PDE4DIP: variants seen among roughly 807,000 people sequenced by gnomAD.
The protein encoded by PDE4DIP is phosphodiesterase 4D interacting protein.
In PDE4DIP, 59 loss-of-function variants were observed where a neutral mutation model predicts 221.4. The ratio of observed to expected loss-of-function variants is 0.27; its 90% CI spans 0.22 to 0.33. PDE4DIP has a LOEUF of 0.33. PDE4DIP is among the 10% of genes least tolerant of loss of function. The pLI is 1.00. For synonymous variants in PDE4DIP, 404 were observed against 815.9 expected (o/e 0.50, Z 8.60); for missense variants, 1,036 against 2,154.2 (o/e 0.48, Z 10.28).
chr1:148,979,608 A>G, intron 19 of PDE4DIP, 129 bp from the exon 23 acceptor site: 1 of 717,582 alleles, frequency 1.4e-6, no homozygotes, highest in Non-Finnish European at 2.3e-6. Context: ...ACTATAAAAT[A>G]GTATCAAAAG....
In PDE4DIP at chr1:149,030,438, A is replaced by G. The variant is rs2076414568; in HGVS notation, c.6999+160A>G. ...ACAGGTCCTCAGTGAGCATCCTGCTAGTTTCTGTCCCCATCACCCTCCCAC... is the reference window on the plus strand; with the variant it reads ...ACAGGTCCTCAGTGAGCATCCTGCTGGTTTCTGTCCCCATCACCCTCCCAC... On this transcript the variant is annotated intron_variant, in intron 43 of 43. Coordinates refer to ENST00000369354, the Ensembl canonical transcript of PDE4DIP. 6 of 985,166 alleles carry G rather than the reference A, an allele frequency of 6.1e-6. No homozygotes were observed. The South Asian group carries it at 2.8e-4, about 46-fold the overall frequency. The allele number at this position is 985,166 out of a possible 1,614,324, so 61.0% of individuals were successfully genotyped here. A position where few individuals can be genotyped will look rare whatever the true frequency, so the allele number is the denominator to read the frequency against.
At chr1:149,017,682 A>C in intron 33 of PDE4DIP, 66 bp from the exon 37 acceptor site, 1 of 971,278 alleles carries the variant, frequency 1.0e-6, no homozygotes, top group Non-Finnish European at 1.6e-6. Context: ...GCCGAGCCCC[A>C]CCCCCATCAG....
At chr1:148,927,863 C>T (rs1410345202) in intron 1 of PDE4DIP, among the ~76,000 whole-genome samples, 2 of 152,036 alleles carry the variant, frequency 1.3e-5, no homozygotes, top group African/African-American at 4.8e-5. Flanking sequence ...CAAACCTGCC[C>T]CTATTTTAGT....
chr1:148,912,312 C>G (rs578182), intron 1 of PDE4DIP, among the ~76,000 whole-genome samples: 125 of 146,414 alleles, frequency 8.5e-4, no homozygotes, highest in Non-Finnish European at 1.2e-3. Context: ...CTTGCTATGT[C>G]ATTTTAGTTT....
At chr1:148,974,953 G>A (rs1312605982) in intron 17 of PDE4DIP, among the ~76,000 whole-genome samples, 1 of 87,784 alleles carries the variant, frequency 1.1e-5, no homozygotes, top group Non-Finnish European at 2.3e-5. Flanking sequence ...CACTTGATCC[G>A]CTCGAACAGG....
At chr1:148,978,217 ACT>A in intron 18 of PDE4DIP, 59 bp from the exon 22 acceptor site, 1 of 1,422,550 alleles carries the variant, frequency 7.0e-7, no homozygotes, top group South Asian at 1.2e-5. Context: ...TTCCCGTGCT[ACT>A]CTGCTGAATA....
At chr1:148,980,531 T>A (rs2060909917) in intron 20 of PDE4DIP, among the ~76,000 whole-genome samples, 1 of 152,222 alleles carries the variant, frequency 6.6e-6, no homozygotes, top group Non-Finnish European at 1.5e-5. Context: ...TTCTTCTACC[T>A]CTTGATTTTT....
intron 31 of PDE4DIP, 122 bp from the exon 35 acceptor site, chr1:149,012,469 A>G: frequency 1.7e-6 from 1 of 588,350 alleles, no homozygotes; most frequent in Non-Finnish European, 3.0e-6. Context: ...ACTAGATGAT[A>G]GCCACTCCGC....
intron 14 of PDE4DIP, among the ~76,000 whole-genome samples, chr1:148,970,771 A>ATTATG (rs1312292411): frequency 2.0e-5 from 3 of 151,838 alleles, no homozygotes; most frequent in Non-Finnish European, 4.4e-5. Context: ...TATATTATTT[A>ATTATG]TTATGTTTTT....
exon 13 of PDE4DIP, chr1:148,967,833 T>C (rs782423870): frequency 2.6e-6 from 3 of 1,144,996 alleles, no homozygotes; most frequent in Non-Finnish European, 4.0e-6. Context: ...AATTTAGCCG[T>C]TGGCAGAAGG....
intron 17 of PDE4DIP, among the ~76,000 whole-genome samples, chr1:148,975,607 A>G (rs2060022246): frequency 2.0e-5 from 3 of 151,908 alleles, no homozygotes; most frequent in Admixed American, 6.6e-5. Context: ...GTTCTCTTCA[A>G]TTTTTTTTGG....
chr1:148,984,368 A>G (rs2061563623), intron 21 of PDE4DIP: 1 of 152,066 alleles, frequency 6.6e-6, no homozygotes, highest in Non-Finnish European at 1.5e-5. Context: ...AGATGTTTCT[A>G]TTACATTATA....
At chr1:148,989,563 G>A (rs151040312) in intron 21 of PDE4DIP, among the ~76,000 whole-genome samples, 396 of 152,360 alleles carry the variant, frequency 2.6e-3, no homozygotes, top group Middle Eastern at 6.8e-3. Context: ...GAACCTGGCA[G>A]GAATGGTCCT....
exon 30 of PDE4DIP, chr1:149,009,759 A>G (rs782616276): frequency 3.8e-5 from 61 of 1,611,838 alleles, no homozygotes; most frequent in Non-Finnish European, 4.6e-5. Context: ...TACACACACT[A>G]TGAAGAGAAG....
chr1:148,984,748 C>T (rs2061630234), intron 21 of PDE4DIP: 1 of 152,100 alleles, frequency 6.6e-6, no homozygotes, highest in Non-Finnish European at 1.5e-5. Flanking sequence ...GTTGACTGAG[C>T]TACCTAAAGT....
intron 1 of PDE4DIP, among the ~76,000 whole-genome samples, chr1:148,911,729 G>A (rs56059820): frequency 0.061 from 8,318 of 136,626 alleles, 4 homozygotes; most frequent in Non-Finnish European, 0.085. Flanking sequence ...AGCTCACTTG[G>A]GCTGTCAACA....
chr1:149,018,317 G>A (rs2071412563), intron 34 of PDE4DIP: 1 of 443,628 alleles, frequency 2.3e-6, no homozygotes, highest in Admixed American at 3.6e-5. Context: ...TGTTTAGGGA[G>A]ATCGAGCCTC....
intron 1 of PDE4DIP, among the ~76,000 whole-genome samples, chr1:148,902,882 T>A (rs1465426071): frequency 8.4e-6 from 1 of 119,570 alleles, no homozygotes; most frequent in Non-Finnish European, 1.6e-5. Context: ...TTCAAGTATC[T>A]TTTTTGTATA....
At chr1:148,996,891 C>G (rs1553565157) in intron 22 of PDE4DIP, among the ~76,000 whole-genome samples, 1 of 152,152 alleles carries the variant, frequency 6.6e-6, no homozygotes, top group African/African-American at 2.4e-5. Context: ...TGTGGAAATG[C>G]ACATCAAATA....
Sources: gnomAD v4.1 joint callset for allele counts (sites outside exome capture counted in the v4.1 genomes callset) on GRCh38, gnomAD v4.1.1 for gene constraint, MANE v1.5 for transcripts, NCBI Gene and HGNC (gene_info 2026-07-23, HGNC 2026-07-21) for gene names.